CAMK2D: variants seen among roughly 807,000 people sequenced by gnomAD.
CAMK2D encodes the protein calcium/calmodulin dependent protein kinase II delta, also known as calcium/calmodulin-dependent protein kinase type II subunit delta.
CAMK2D carries 37 observed loss-of-function variants against 84.0 expected under a neutral mutation model. That is an observed-to-expected ratio of 0.44 (90% CI 0.34 to 0.58). The LOEUF is 0.58. CAMK2D is among the 20% of genes least tolerant of loss of function. The pLI, the probability that CAMK2D is intolerant of heterozygous loss-of-function variation, is 0.02. For missense variants in CAMK2D, 448 were observed against 652.5 expected (o/e 0.69, Z 3.41); for synonymous variants, 202 against 212.5 (o/e 0.95, Z 0.43).
intron 3 of CAMK2D, among the ~76,000 whole-genome samples, chr4:113,660,785 G>A (rs530158228): frequency 6.7e-6 from 1 of 149,480 alleles, no homozygotes; most frequent in South Asian, 2.1e-4. Context: ...AGCAGTAGCT[G>A]AACAATTCTT....
rs753503596 is a variant in CAMK2D at position 113,761,086 on chromosome 4, C to T, written c.-18G>A. The T allele has an allele frequency of 2.5e-6, 4 of 1,613,946 alleles. No individual in the cohort carries two copies. The highest frequency in any genetic ancestry group is 3.4e-6 in the Non-Finnish European group (4 of 1,180,008). ...GAAGCCATCCTCGGTCCGGGCTGTG[C>T]CCTGGCTGGGAGCGCGACGGACCAG... On this transcript the variant is annotated 5_prime_UTR_variant, in exon 1 of 21. Coordinates refer to ENST00000511664, the MANE Select transcript of CAMK2D (RefSeq NM_001321571.2).
rs182299918 is a variant in CAMK2D at position 113,733,094 on chromosome 4, G to A, written c.160+26226C>T. ...AAGAGAAAGGTGAGGTAGACTAGTGGAGAGCTTGAGGGGTGAGAGTTGTAT... is the reference window on the plus strand; with the variant it reads ...AAGAGAAAGGTGAGGTAGACTAGTGAAGAGCTTGAGGGGTGAGAGTTGTAT... On this transcript the variant is annotated intron_variant, in intron 2 of 20. Coordinates refer to ENST00000511664, the MANE Select transcript of CAMK2D (RefSeq NM_001321571.2). Among the ~76,000 whole-genome samples the A allele has an allele frequency of 2.1e-3, 316 of 152,284 alleles. 3 individuals carry two copies. The highest frequency in any genetic ancestry group is 7.3e-3 in the African/African-American group (302 of 41,548).
intron 2 of CAMK2D, among the ~76,000 whole-genome samples, chr4:113,665,448 A>G (rs1037559443): frequency 6.6e-6 from 1 of 152,212 alleles, no homozygotes; most frequent in Non-Finnish European, 1.5e-5. Context: ...TTATCCTGCT[A>G]CAGAGATGGA....
rs751502796 is a variant in CAMK2D, at chr4:113,738,525, C to CA, written c.160+20794dup. Reference sequence around the variant, plus strand: ...TAGGATATTGCACAATGAGTGAATGCAAAAAAATATTTTTAATGTGTTATT... The same window carrying CA: ...TAGGATATTGCACAATGAGTGAATGCAAAAAAAATATTTTTAATGTGTTATT... On this transcript the variant is annotated intron_variant, in intron 2 of 20. Coordinates refer to ENST00000511664, the MANE Select transcript of CAMK2D (RefSeq NM_001321571.2). 2.6e-4 allele frequency among the ~76,000 whole-genome samples: 40 copies of CA among 151,756 alleles called. 1 individual carries two copies. The highest frequency in any genetic ancestry group is 2.7e-4 in the Non-Finnish European group (18 of 67,900).
rs186781284 is a variant in CAMK2D, at chr4:113,702,324, C to T, written c.161-40552G>A. Among the ~76,000 whole-genome samples the T allele has an allele frequency of 1.6e-3, 238 of 152,226 alleles. 1 individual carries two copies. Among genetic ancestry groups the T allele is most frequent in the African/African-American group, 5.5e-3 (227 of 41,530 alleles). ...TATTCTAGGCTTCGCATGTCACATACGGTCTCTGGTGCACATGCATTTTTT... is the reference window on the plus strand; with the variant it reads ...TATTCTAGGCTTCGCATGTCACATATGGTCTCTGGTGCACATGCATTTTTT... On this transcript the variant is annotated intron_variant, in intron 2 of 20. Transcript: ENST00000511664.
intron 7 of CAMK2D, among the ~76,000 whole-genome samples, chr4:113,535,345 C>G (rs2098482578): frequency 6.6e-6 from 1 of 152,110 alleles, no homozygotes; most frequent in South Asian, 2.1e-4. Flanking sequence ...TTGCTTGCTC[C>G]TACACCCTCC....
chr4:113,609,406 G>GTAACTATGTGATCTTAAAAAAAAACTGC (rs2098990666), intron 3 of CAMK2D, among the ~76,000 whole-genome samples, 200 bp from the exon 4 acceptor site: 1 of 151,904 alleles, frequency 6.6e-6, no homozygotes, highest in South Asian at 2.1e-4. Flanking sequence ...CTGAAAACTG[G>GTAACTATGTGATCTTAAAAAAAAACTGC]TAACTATGTG....
intron 3 of CAMK2D, among the ~76,000 whole-genome samples, chr4:113,630,177 G>A (rs1329458761): frequency 2.0e-5 from 3 of 152,172 alleles, no homozygotes; most frequent in African/African-American, 4.8e-5. Flanking sequence ...GAGTTGAATT[G>A]TTTGGGCATG....
chr4:113,571,375 A>T (rs921792219), intron 4 of CAMK2D, among the ~76,000 whole-genome samples: 3 of 152,234 alleles, frequency 2.0e-5, no homozygotes, highest in African/African-American at 7.2e-5. Flanking sequence ...TAGCCAAGAA[A>T]TCAACCTAAG....
chr4:113,573,106 A>G (rs1487520978), intron 4 of CAMK2D, among the ~76,000 whole-genome samples: 1 of 152,222 alleles, frequency 6.6e-6, no homozygotes, highest in Non-Finnish European at 1.5e-5. Context: ...GACTTAATAC[A>G]TTAGTGATGT....
chr4:113,469,970 T>A (rs2097527704), intron 16 of CAMK2D, among the ~76,000 whole-genome samples: 1 of 152,150 alleles, frequency 6.6e-6, no homozygotes, highest in African/African-American at 2.4e-5. Context: ...GCAACCAATT[T>A]TGCTCTTCAC....
intron 3 of CAMK2D, among the ~76,000 whole-genome samples, chr4:113,657,949 A>C (rs1019875718): frequency 6.6e-6 from 1 of 152,198 alleles, no homozygotes; most frequent in Non-Finnish European, 1.5e-5. Context: ...TATTACTTAG[A>C]TATCATATTA....
intron 12 of CAMK2D, among the ~76,000 whole-genome samples, chr4:113,512,495 T>G (rs2098227960): frequency 6.6e-6 from 1 of 152,252 alleles, no homozygotes; most frequent in Non-Finnish European, 1.5e-5. Flanking sequence ...TTGTAATCAC[T>G]TTTATAGTAC....
intron 14 of CAMK2D, chr4:113,503,219 G>A: frequency 1.4e-6 from 1 of 704,746 alleles, no homozygotes; most frequent in Non-Finnish European, 2.6e-6. Context: ...TTCTTGATCA[G>A]CATTCAAACA....
intron 2 of CAMK2D, among the ~76,000 whole-genome samples, chr4:113,686,848 A>T (rs772234079): frequency 8.4e-5 from 12 of 142,494 alleles, no homozygotes; most frequent in Non-Finnish European, 1.7e-4. Context: ...TATTTACAAT[A>T]CAGGTATGTG....
At chr4:113,568,441 G>C (rs139210952) in intron 4 of CAMK2D, among the ~76,000 whole-genome samples, 1 of 152,152 alleles carries the variant, frequency 6.6e-6, no homozygotes, top group Non-Finnish European at 1.5e-5. Context: ...ATATTGCATC[G>C]TATGTACAGG....
rs1288091211 is a variant in CAMK2D, at chr4:113,586,218, T to C, written c.275+22934A>G. 3.3e-5 allele frequency among the ~76,000 whole-genome samples: 5 copies of C among 152,278 alleles called. No individual in the cohort carries two copies. The East Asian group carries it at 7.7e-4, about 24-fold the overall frequency. On this transcript the variant is annotated intron_variant, in intron 4 of 20. Transcript: ENST00000511664. ...ATACAACTCAATTTTCATAGAGTTG[T>C]TGGAATTAACTGGCAAAAGGCTATC...
intron 3 of CAMK2D, among the ~76,000 whole-genome samples, chr4:113,639,896 C>G (rs535138910): frequency 6.6e-6 from 1 of 151,944 alleles, no homozygotes; most frequent in Non-Finnish European, 1.5e-5. Flanking sequence ...ATCCGAGTTG[C>G]ATTTTTAAAA....
At chr4:113,492,190 A>C (rs536462718) in intron 16 of CAMK2D, among the ~76,000 whole-genome samples, 3,547 of 151,722 alleles carry the variant, frequency 0.023, 71 homozygotes, top group Middle Eastern at 0.076. Context: ...CTAGCTTTTG[A>C]ATGTGTTTGC....
Sources: allele counts gnomAD v4.1 joint callset (sites outside exome capture counted in the v4.1 genomes callset), GRCh38; gene constraint gnomAD v4.1.1; transcripts MANE v1.5; gene names NCBI Gene and HGNC (gene_info 2026-07-23, HGNC 2026-07-21).